Variants in RCAN1 observed in about 807,000 individuals in gnomAD.
The protein encoded by RCAN1 is calcipressin-1.
RCAN1 carries 11 observed loss-of-function variants against 22.9 expected under a neutral mutation model. The observed-to-expected ratio is 0.48, with a 90% CI of 0.30 to 0.79. The LOEUF (loss-of-function observed/expected upper bound fraction) is 0.79, where lower values mean the gene tolerates loss of function less well. Among genes scored for constraint, RCAN1 ranks in the 30% least tolerant of loss-of-function variants. RCAN1 has a pLI of 0.06. For synonymous variants in RCAN1, 136 were observed against 142.3 expected (o/e 0.96, Z 0.32); for missense variants, 291 against 337.8 (o/e 0.86, Z 1.09).
intron 1 of RCAN1, among the ~76,000 whole-genome samples, chr21:34,584,720 C>T (rs1987732205): frequency 6.6e-6 from 1 of 152,158 alleles, no homozygotes; most frequent in Admixed American, 6.5e-5. Context: ...AAGATAATAC[C>T]TTCCTCAAAC....
chr21:34,586,678 C>A (rs867008041), intron 1 of RCAN1, among the ~76,000 whole-genome samples: 2 of 152,140 alleles, frequency 1.3e-5, no homozygotes, highest in African/African-American at 4.8e-5. Flanking sequence ...AAAGGACAGG[C>A]GCAGTGGCTC....
At chr21:34,612,960 T>C (rs1045293578) in intron 1 of RCAN1, among the ~76,000 whole-genome samples, 1 of 152,246 alleles carries the variant, frequency 6.6e-6, no homozygotes, top group Admixed American at 6.5e-5. Context: ...CATTTATCAC[T>C]ATCCGAAATG....
At chr21:34,557,689 C>T (rs1000791384) in intron 1 of RCAN1, among the ~76,000 whole-genome samples, 1 of 152,158 alleles carries the variant, frequency 6.6e-6, no homozygotes, top group African/African-American at 2.4e-5. Flanking sequence ...ATTTAACATA[C>T]TTGAAAGATG....
chr21:34,569,053 G>A (rs374874910), intron 1 of RCAN1, among the ~76,000 whole-genome samples: 37 of 152,266 alleles, frequency 2.4e-4, no homozygotes, highest in South Asian at 8.3e-4. Flanking sequence ...GGGGGACACC[G>A]CCCCCAGGAT....
intron 1 of RCAN1, among the ~76,000 whole-genome samples, chr21:34,568,497 C>T (rs775674544): frequency 6.6e-6 from 1 of 152,206 alleles, no homozygotes; most frequent in African/African-American, 2.4e-5. Flanking sequence ...GAGATGGCAG[C>T]GATGCCCGGA....
chr21:34,601,537 G>C (rs8134752), intron 1 of RCAN1, among the ~76,000 whole-genome samples: 1 of 152,064 alleles, frequency 6.6e-6, no homozygotes, highest in South Asian at 2.1e-4. Flanking sequence ...GTGAATGCTA[G>C]GCTGGGCACG....
intron 1 of RCAN1, among the ~76,000 whole-genome samples, chr21:34,610,597 C>G (rs996248594): frequency 6.6e-6 from 1 of 152,178 alleles, no homozygotes; most frequent in Non-Finnish European, 1.5e-5. Context: ...TCTGGTCAGG[C>G]CAAACCCCGG....
intron 1 of RCAN1, among the ~76,000 whole-genome samples, chr21:34,552,083 G>T (rs904181769): frequency 2.0e-5 from 3 of 152,158 alleles, no homozygotes; most frequent in Admixed American, 2.0e-4. Context: ...CCTGCTGGAG[G>T]GCTGGTGTTT....
chr21:34,589,583 G>A (rs1031709131), intron 1 of RCAN1, among the ~76,000 whole-genome samples: 10 of 152,162 alleles, frequency 6.6e-5, no homozygotes, highest in South Asian at 4.1e-4. Context: ...GTACCTGTGC[G>A]GGTGTTTCTG....
At chr21:34,613,926 A>G in intron 1 of RCAN1, 1 of 1,222,216 alleles carries the variant, frequency 8.2e-7, no homozygotes, top group Admixed American at 3.3e-5. Context: ...GGCATCTCTC[A>G]AAGACCGGTT....
At chr21:34,605,113 T>G (rs1293969427) in intron 1 of RCAN1, among the ~76,000 whole-genome samples, 2 of 152,194 alleles carry the variant, frequency 1.3e-5, no homozygotes, top group Non-Finnish European at 2.9e-5. Context: ...CCAGAGGAGA[T>G]TAACATTTGA....
chr21:34,605,607 G>A (rs1360783091), intron 1 of RCAN1, among the ~76,000 whole-genome samples: 3 of 152,224 alleles, frequency 2.0e-5, no homozygotes, highest in South Asian at 2.1e-4. Flanking sequence ...AAATTCACTC[G>A]CATTAATGCC....
chr21:34,543,762 T>G (rs924657329), intron 1 of RCAN1, among the ~76,000 whole-genome samples: 1 of 152,174 alleles, frequency 6.6e-6, no homozygotes, highest in South Asian at 2.1e-4. Flanking sequence ...AATCCTAGCA[T>G]GTGAAGTGGC....
intron 1 of RCAN1, among the ~76,000 whole-genome samples, chr21:34,553,918 G>A (rs10432784): frequency 0.038 from 5,742 of 152,224 alleles, 171 homozygotes; most frequent in East Asian, 0.14. Flanking sequence ...TCTGTAAGAC[G>A]GCATGTCATT....
chr21:34,547,987 T>C (rs984517342), intron 1 of RCAN1, among the ~76,000 whole-genome samples: 2 of 152,210 alleles, frequency 1.3e-5, no homozygotes, highest in African/African-American at 4.8e-5. Flanking sequence ...AGTAGAGTCC[T>C]TTTTGCAAGA....
intron 3 of RCAN1, 191 bp downstream of exon 3, chr21:34,521,308 C>T: frequency 6.8e-7 from 1 of 1,481,330 alleles, no homozygotes. Context: ...CTCTCTAACA[C>T]TGCAGGTGGT....
At chr21:34,567,781 G>A (rs1987084199) in intron 1 of RCAN1, among the ~76,000 whole-genome samples, 1 of 152,176 alleles carries the variant, frequency 6.6e-6, no homozygotes, top group African/African-American at 2.4e-5. Context: ...TTTCCCACTT[G>A]TCGCTGCTGT....
intron 1 of RCAN1, among the ~76,000 whole-genome samples, chr21:34,607,266 T>C (rs939166713): frequency 6.6e-6 from 1 of 152,222 alleles, no homozygotes; most frequent in Non-Finnish European, 1.5e-5. Context: ...CATGTTAAAC[T>C]ATAGTGGCTA....
At chr21:34,575,395 G>A (rs185448643) in intron 1 of RCAN1, among the ~76,000 whole-genome samples, 2 of 152,308 alleles carry the variant, frequency 1.3e-5, no homozygotes, top group East Asian at 1.9e-4. Flanking sequence ...CGTATGCCAA[G>A]CACTATGGCT....
Sources: gnomAD v4.1 joint callset for allele counts (sites outside exome capture counted in the v4.1 genomes callset) on GRCh38, gnomAD v4.1.1 for gene constraint, MANE v1.5 for transcripts, NCBI Gene and HGNC (gene_info 2026-07-23, HGNC 2026-07-21) for gene names.